COA8: variants seen among roughly 807,000 people sequenced by gnomAD.
COA8 encodes UPF0671 protein C14orf153.
In COA8, 20 loss-of-function variants were observed where a neutral mutation model predicts 22.0. That is an observed-to-expected ratio of 0.91 (90% CI 0.64 to 1.32). The LOEUF is 1.32. COA8 is among the 40% of genes most tolerant of loss of function. The probability of loss-of-function intolerance (pLI) is 0.00; values close to 1 mark genes in which losing one functional copy is unlikely to be tolerated. For missense variants in COA8, 266 were observed against 230.0 expected, an observed-to-expected ratio of 1.16 and a Z score of -1.01; for synonymous variants, 105 against 79.9, an observed-to-expected ratio of 1.31 and a Z score of -1.68.
chr14:103,572,560 T>C (rs554823557), intron 2 of COA8, among the ~76,000 whole-genome samples: 4 of 152,070 alleles, frequency 2.6e-5, no homozygotes, highest in East Asian at 1.9e-4. Flanking sequence ...CGAAACCTTA[T>C]CTCTACTAAA....
intron 1 of COA8, among the ~76,000 whole-genome samples, chr14:103,568,976 G>T (rs1595137185): frequency 6.6e-6 from 1 of 152,240 alleles, no homozygotes; most frequent in South Asian, 2.1e-4. Flanking sequence ...TCCCCTCCCA[G>T]ACCCAAAGAT....
chr14:103,567,882 A>G (rs1260455733), intron 1 of COA8, among the ~76,000 whole-genome samples: 1 of 152,136 alleles, frequency 6.6e-6, no homozygotes, highest in East Asian at 1.9e-4. Flanking sequence ...CAGCCTGGAT[A>G]GCTCTCCCAT....
chr14:103,577,718 A>C (rs577785848), intron 3 of COA8, among the ~76,000 whole-genome samples: 16 of 151,670 alleles, frequency 1.1e-4, no homozygotes, highest in African/African-American at 3.9e-4. Flanking sequence ...TTGTCTACAA[A>C]AAATTTAAAA....
intron 3 of COA8, among the ~76,000 whole-genome samples, chr14:103,585,409 G>A (rs2076298501): frequency 6.7e-6 from 1 of 150,174 alleles, no homozygotes; most frequent in South Asian, 2.1e-4. Context: ...AACCTGGCAG[G>A]TGGAGGTTGT....
At chr14:103,590,045 C>A (rs1306315850) in intron 4 of COA8, 136 bp from the exon 5 acceptor site, 2 of 718,972 alleles carry the variant, frequency 2.8e-6, no homozygotes, top group Non-Finnish European at 4.8e-6. Flanking sequence ...TTAGCTTTAA[C>A]AAGGGCAGGG....
At chr14:103,568,165 TGGTGG>T (rs1451540324) in intron 1 of COA8, among the ~76,000 whole-genome samples, 2 of 152,176 alleles carry the variant, frequency 1.3e-5, no homozygotes, top group East Asian at 3.8e-4. Context: ...CATTATTCCC[TGGTGG>T]TTTCCCCATG....
At chr14:103,569,360 G>T (rs1158499710) in intron 1 of COA8, among the ~76,000 whole-genome samples, 2 of 152,206 alleles carry the variant, frequency 1.3e-5, no homozygotes, top group Non-Finnish European at 2.9e-5. Flanking sequence ...GGCAAACAAT[G>T]ATTTGAAAAT....
chr14:103,583,781 CT>C (rs2076285662), intron 3 of COA8, among the ~76,000 whole-genome samples: 1 of 152,188 alleles, frequency 6.6e-6, no homozygotes, highest in South Asian at 2.1e-4. Flanking sequence ...TGTTTACATC[CT>C]TTGCCGGTTG....
chr14:103,587,171 G>A, intron 3 of COA8, 103 bp from the exon 4 acceptor site: 2 of 782,734 alleles, frequency 2.6e-6, no homozygotes, highest in Non-Finnish European at 4.2e-6. Context: ...TATTGGTCTT[G>A]TATATATCCT....
chr14:103,571,770 C>T lies in COA8; in HGVS notation c.271C>T (p.Gln91Ter), dbSNP rs1209812960. The T allele has an allele frequency of 1.4e-5, 22 of 1,613,984 alleles. No individual in the cohort carries two copies. The highest frequency in any genetic ancestry group is 1.6e-5 in the Non-Finnish European group (19 of 1,180,034). Reference sequence around the variant, plus strand: ...GCTTAGAAAATTAAGACAAGAAACACAAGAATGGAATCAACAGTTCTGGGC... The same window carrying T: ...GCTTAGAAAATTAAGACAAGAAACATAAGAATGGAATCAACAGTTCTGGGC... The part of the protein sequence containing the change: ...QKLRKLRQET[Q>*]EWNQQFWANQ... The change falls in exon 2 of 5, where the codon CAA (glutamine) becomes TAA (stop). Residue 91 changes from glutamine to a stop codon, truncating the protein, a stop_gained. Transcript: ENST00000409074. LOFTEE classifies it high-confidence loss of function.
At chr14:103,563,238 G>A (rs2076104715) in intron 1 of COA8, 114 bp downstream of exon 1, 2 of 1,384,404 alleles carry the variant, frequency 1.4e-6, no homozygotes, top group South Asian at 1.2e-5. Context: ...TTGTCCAGGT[G>A]CTCTCGCGTC....
At chr14:103,586,403 T>G (rs1297111088) in intron 3 of COA8, among the ~76,000 whole-genome samples, 1 of 151,614 alleles carries the variant, frequency 6.6e-6, no homozygotes, top group Non-Finnish European at 1.5e-5. Flanking sequence ...AGATGAGGTC[T>G]TATTATGTTG....
intron 3 of COA8, among the ~76,000 whole-genome samples, chr14:103,585,607 C>T (rs1217534494): frequency 3.8e-4 from 49 of 129,650 alleles, no homozygotes; most frequent in Middle Eastern, 5.6e-3. Context: ...AACAGAGTCT[C>T]GCTCTGTCGC....
rs578036831 is a variant in COA8, at chr14:103,570,076, C to G, written c.124-1547C>G. 2.6e-5 allele frequency among the ~76,000 whole-genome samples: 4 copies of G among 152,134 alleles called. 1 individual carries two copies. In the South Asian group the frequency reaches 8.3e-4, roughly 32 times the overall value. ...TTCACCATGTTGGTCAGGCTGGTCT[C>G]GAACTCCCGACCTTAGGTGATCCAC... On this transcript the variant is annotated intron_variant, in intron 1 of 4. Transcript: ENST00000409074.
Position 103,571,226 on chromosome 14 carries a change from G to A in COA8, c.124-397G>A, listed in dbSNP as rs573378054. Among the ~76,000 whole-genome samples the A allele has an allele frequency of 9.9e-5, 15 of 152,140 alleles. No homozygotes were observed. In the South Asian group the frequency reaches 1.0e-3, roughly 11 times the overall value. ...ACTAAAAAATACAAAAAAATTAGCC[G>A]GGCGTGGTGATGGGCGCCTGTAGTC... On this transcript the variant is annotated intron_variant, in intron 1 of 4. Transcript: ENST00000409074.
intron 4 of COA8, 105 bp from the exon 5 acceptor site, chr14:103,590,075 GC>G: frequency 1.2e-6 from 1 of 860,522 alleles, no homozygotes. Flanking sequence ...AGCAGTTGAG[GC>G]CTGGTCAGTT....
intron 3 of COA8, among the ~76,000 whole-genome samples, chr14:103,583,751 T>C (rs1026956046): frequency 6.6e-6 from 1 of 152,078 alleles, no homozygotes; most frequent in Non-Finnish European, 1.5e-5. Context: ...TGAGGCAGTC[T>C]TTCTCTTTGG....
At position 103,563,234 on chromosome 14, in the gene COA8, A is replaced by C. The variant is rs1169055585; in HGVS notation, c.123+110A>C. On this transcript the variant is annotated intron_variant, in intron 1 of 4. Transcript: ENST00000409074. ...GCACAGCCGCCTCAGGCCTTTGTCC[A>C]GGTGCTCTCGCGTCCTATCCCGAAC... is the stretch of plus-strand genomic sequence containing the variant. 1.2e-5 allele frequency: 17 copies of C among 1,413,832 alleles called. 1 individual carries two copies. In the East Asian group the frequency reaches 4.0e-4, roughly 33 times the overall value. 87.6% of individuals were successfully genotyped at this position (1,413,832 alleles called of 1,614,324 possible). A position where few individuals can be genotyped will look rare whatever the true frequency, so the allele number is the denominator to read the frequency against.
intron 2 of COA8, among the ~76,000 whole-genome samples, chr14:103,573,542 G>GT (rs1335580288): frequency 1.3e-5 from 2 of 151,030 alleles, no homozygotes; most frequent in African/African-American, 2.4e-5. Flanking sequence ...TCTGTGGAGG[G>GT]TTTTTTTTGT....
Sources: gnomAD v4.1 joint callset for allele counts (sites outside exome capture counted in the v4.1 genomes callset) on GRCh38, gnomAD v4.1.1 for gene constraint, MANE v1.5 for transcripts, NCBI Gene and HGNC (gene_info 2026-07-23, HGNC 2026-07-21) for gene names.